The following SLC1A5 variants were observed in gnomAD, a reference collection of about 807,000 sequenced individuals.
SLC1A5 encodes solute carrier family 1 member 5.
A neutral mutation model predicts 34.9 loss-of-function variants in SLC1A5; 25 were observed. The observed-to-expected ratio is 0.72, with a 90% CI of 0.52 to 1.00. The LOEUF is 1.00. Among genes scored for constraint, SLC1A5 ranks in the 50% least tolerant of loss-of-function variants. SLC1A5 has a pLI of 0.00. For synonymous variants in SLC1A5, 351 were observed against 341.2 expected, an observed-to-expected ratio of 1.03 and a Z score of -0.32; for missense variants, 637 against 740.0, an observed-to-expected ratio of 0.86 and a Z score of 1.61.
Position 46,787,755 on chromosome 19 carries a change from C to T in SLC1A5, c.211G>A (p.Gly71Arg). ...AVVAGVALGL[G>R]VSGAGGALAL... ...AGCGCACCCCCGGCCCCCGACACCCCCAGTCCCAGCGCCACGCCGGCCACC... is the reference window on the plus strand; with the variant it reads ...AGCGCACCCCCGGCCCCCGACACCCTCAGTCCCAGCGCCACGCCGGCCACC... The change falls in exon 1 of 8, where the codon GGG (glycine) becomes AGG (arginine). Residue 71 changes from glycine to arginine, a missense_variant. Physicochemically the swap from Gly to Arg is moderately radical, Grantham distance 125. Transcript: ENST00000542575. This position sits in a 1 kb window ranked among gnomAD's most constrained non-coding sequence, Gnocchi z 5.2. 6.4e-7 allele frequency: 1 copy of T among 1,552,104 alleles called. No homozygotes were observed. Among genetic ancestry groups the T allele is most frequent in the Non-Finnish European group, 8.7e-7 (1 of 1,152,416 alleles).
chr19:46,775,825 T>C (rs1599727206), intron 7 of SLC1A5, 78 bp from the exon 8 acceptor site: 4 of 1,410,372 alleles, frequency 2.8e-6, no homozygotes, highest in Non-Finnish European at 2.8e-6. Context: ...GGCCTAAGCC[T>C]CCTGCCTCTC....
At chr19:46,783,967 A>C (rs2055167419) in intron 3 of SLC1A5, 130 bp downstream of exon 3, 2 of 717,184 alleles carry the variant, frequency 2.8e-6, no homozygotes, top group Non-Finnish European at 4.9e-6. Flanking sequence ...AAGGCAGAAA[A>C]GACAGAAATT....
chr19:46,786,909 G>A lies in SLC1A5; in HGVS notation c.566+491C>T, dbSNP rs1235062867. 2.0e-5 allele frequency among the ~76,000 whole-genome samples: 3 copies of A among 152,284 alleles called. No individual in the cohort carries two copies. The East Asian group carries it at 5.8e-4, about 29-fold the overall frequency. ...GAGGCCAAAAACAGAGCCTGGTTAT[G>A]TCCGAGTGACACGTGGTGTGGGGGT... On this transcript the variant is annotated intron_variant, in intron 1 of 7. Coordinates refer to ENST00000542575, the MANE Select transcript of SLC1A5 (RefSeq NM_005628.3).
intron 1 of SLC1A5, among the ~76,000 whole-genome samples, chr19:46,786,832 C>A (rs2055190139): frequency 6.6e-6 from 1 of 152,134 alleles, no homozygotes; most frequent in Admixed American, 6.6e-5. Flanking sequence ...CAGGGCTGAT[C>A]TAAAAGATAA....
intron 4 of SLC1A5, among the ~76,000 whole-genome samples, 173 bp downstream of exon 4, chr19:46,782,210 G>T (rs1471293296): frequency 6.6e-6 from 1 of 152,092 alleles, no homozygotes; most frequent in African/African-American, 2.4e-5. Flanking sequence ...AAAATCACTT[G>T]CCTAAAATCA....
At chr19:46,785,884 A>G (rs1014464552) in intron 1 of SLC1A5, among the ~76,000 whole-genome samples, 1 of 152,190 alleles carries the variant, frequency 6.6e-6, no homozygotes, top group Non-Finnish European at 1.5e-5. Flanking sequence ...GTTCGAGACC[A>G]GCCTGGCCAA....
At chr19:46,782,314 G>T (rs554639264) in intron 4 of SLC1A5, 69 bp downstream of exon 4, 3 of 1,423,912 alleles carry the variant, frequency 2.1e-6, no homozygotes, top group East Asian at 2.4e-5. Context: ...AGAATGCCCC[G>T]CACCTGCCTC....
chr19:46,779,716 A>G (rs2055129995), intron 4 of SLC1A5, among the ~76,000 whole-genome samples: 1 of 152,056 alleles, frequency 6.6e-6, no homozygotes, highest in Admixed American at 6.6e-5. Context: ...CTTGGGCAAC[A>G]CAGCGAGACC....
At position 46,777,416 on chromosome 19, in the gene SLC1A5, TGGG is replaced by T. The variant is rs746806302; in HGVS notation, c.1059-14_1059-12del. On this transcript the variant is annotated splice_polypyrimidine_tract_variant and intron_variant, in intron 5 of 7. Transcript: ENST00000542575. ...GGCAGCGTGGCGGAACTGCAAGGGA[TGGG>T]GGAGCTGAGTTAGGTTAACCTGCTG... 4 of 1,598,886 alleles carry T rather than the reference TGGG, an allele frequency of 2.5e-6. No homozygotes were observed. Among genetic ancestry groups the T allele is most frequent in the Non-Finnish European group, 3.4e-6 (4 of 1,172,280 alleles).
At chr19:46,776,620 AG>A (rs1332977408) in intron 7 of SLC1A5, 4 of 223,316 alleles carry the variant, frequency 1.8e-5, no homozygotes, top group Non-Finnish European at 3.6e-5. Context: ...TCTAATCCTT[AG>A]GGAGAGACTG....
intron 4 of SLC1A5, among the ~76,000 whole-genome samples, chr19:46,779,302 C>T (rs2055126568): frequency 6.6e-6 from 1 of 151,730 alleles, no homozygotes; most frequent in East Asian, 1.9e-4. Flanking sequence ...CGCATGCCTG[C>T]AATCCCAGCT....
rs1453281101 is a variant in SLC1A5 at position 46,787,439 on chromosome 19, G to A, written c.527C>T (p.Pro176Leu). ...VGAAGSAENA[P>L]SKEVLDSFLD... ...GAACGAATCGAGCACCTCCTTGCTG[G>A]GGGCATTTTCGGCACTGCCCGCGGC... Residue 176 changes from proline to leucine, a missense_variant, in exon 1 of 8, where the codon CCC (proline) becomes CTC (leucine). Transcript: ENST00000542575. This position sits in a 1 kb window ranked among gnomAD's most constrained non-coding sequence, Gnocchi z 5.2. The A allele has an allele frequency of 6.2e-7, 1 of 1,602,222 alleles. No individual in the cohort carries two copies. Among genetic ancestry groups the A allele is most frequent in the Non-Finnish European group, 8.5e-7 (1 of 1,175,380 alleles).
At chr19:46,778,646 T>TACCC in intron 5 of SLC1A5, 29 bp downstream of exon 5, 2 of 1,235,840 alleles carry the variant, frequency 1.6e-6, no homozygotes, top group Non-Finnish European at 2.3e-6. Context: ...GGATTAAACA[T>TACCC]CCCACCCTAG....
chr19:46,784,474 C>T (rs755950202), intron 2 of SLC1A5, 43 bp downstream of exon 2: 2 of 1,611,476 alleles, frequency 1.2e-6, no homozygotes, highest in Admixed American at 3.4e-5. Flanking sequence ...TGGCATCCCT[C>T]CCTGTCCACC....
Position 46,788,180 on chromosome 19 carries a change from C to T in SLC1A5, c.-215G>A, listed in dbSNP as rs2055200311. 2.2e-5 allele frequency: 12 copies of T among 551,052 alleles called. No individual in the cohort carries two copies. The highest frequency in any genetic ancestry group is 1.7e-4 in the South Asian group (7 of 40,570). The allele number at this position is 551,052 out of a possible 1,614,324, so 34.1% of individuals were successfully genotyped here. On this transcript the variant is annotated 5_prime_UTR_variant, in exon 1 of 8. Transcript: ENST00000542575. ...TTCCCCAGGCTGGGCGCTGAGGCTTCTCTGCTCTGCCCCGTGTGCCAGATG... is the reference window on the plus strand; with the variant it reads ...TTCCCCAGGCTGGGCGCTGAGGCTTTTCTGCTCTGCCCCGTGTGCCAGATG...
chr19:46,783,569 G>A (rs2055164409), intron 3 of SLC1A5, among the ~76,000 whole-genome samples: 1 of 152,178 alleles, frequency 6.6e-6, no homozygotes, highest in Non-Finnish European at 1.5e-5. Flanking sequence ...GGCCAAGGTG[G>A]GCAGATCACT....
At chr19:46,778,653 CT>C in intron 5 of SLC1A5, 21 bp downstream of exon 5, 1 of 1,152,568 alleles carries the variant, frequency 8.7e-7, no homozygotes, top group Non-Finnish European at 1.3e-6. Flanking sequence ...ACATCCCACC[CT>C]AGCCCACCCC....
At chr19:46,779,222 C>G (rs2055125640) in intron 4 of SLC1A5, among the ~76,000 whole-genome samples, 1 of 151,742 alleles carries the variant, frequency 6.6e-6, no homozygotes, top group African/African-American at 2.4e-5. Flanking sequence ...GTCGGGAGTT[C>G]AAGACCAGCC....
Position 46,775,318 on chromosome 19 carries a change from G to A in SLC1A5, c.*192C>T. ...GAGTGAGAACTGGGGGTTTTGAGGA[G>A]TAACCCTTGTGAACACATGTACTCC... On this transcript the variant is annotated 3_prime_UTR_variant, in exon 8 of 8. Coordinates refer to ENST00000542575, the MANE Select transcript of SLC1A5 (RefSeq NM_005628.3). 7.2e-7 allele frequency: 1 copy of A among 1,389,778 alleles called. No homozygotes were observed. The highest frequency in any genetic ancestry group is 9.3e-7 in the Non-Finnish European group (1 of 1,071,972). 86.1% of individuals were successfully genotyped at this position (1,389,778 alleles called of 1,614,324 possible).
Sources: gnomAD v4.1 joint callset for allele counts (sites outside exome capture counted in the v4.1 genomes callset) on GRCh38, gnomAD v4.1.1 for gene constraint, Gnocchi (gnomAD v3.1) non-coding constraint, MANE v1.5 for transcripts, NCBI Gene and HGNC (gene_info 2026-07-23, HGNC 2026-07-21) for gene names.